Variants in GFRA1 observed in about 807,000 individuals in gnomAD.
The protein encoded by GFRA1 is GDNF family receptor alpha-1.
A neutral mutation model predicts 51.6 loss-of-function variants in GFRA1; 16 were observed. The observed-to-expected ratio is 0.31, with a 90% CI of 0.21 to 0.47. The LOEUF (loss-of-function observed/expected upper bound fraction) is 0.47, where lower values mean the gene tolerates loss of function less well. Among genes scored for constraint, GFRA1 ranks in the 20% least tolerant of loss-of-function variants. GFRA1 has a pLI of 1.00. For missense variants in GFRA1, 530 were observed against 594.3 expected (o/e 0.89, Z 1.13); for synonymous variants, 270 against 241.3 (o/e 1.12, Z -1.10).
chr10:116,208,454 T>C (rs1470452613), intron 5 of GFRA1, among the ~76,000 whole-genome samples: 1 of 152,146 alleles, frequency 6.6e-6, no homozygotes, highest in Non-Finnish European at 1.5e-5. Context: ...AGAATAAACA[T>C]GTCATGCCCT....
At chr10:116,072,991 A>G (rs1955469584) in intron 9 of GFRA1, among the ~76,000 whole-genome samples, 1 of 152,130 alleles carries the variant, frequency 6.6e-6, no homozygotes, top group Non-Finnish European at 1.5e-5. Context: ...ATCGAGGCAA[A>G]AGTGGGAAAT....
intron 4 of GFRA1, among the ~76,000 whole-genome samples, chr10:116,215,893 C>T (rs1165526901): frequency 1.3e-5 from 2 of 152,198 alleles, no homozygotes; most frequent in African/African-American, 4.8e-5. Flanking sequence ...CTCTCCCCAC[C>T]AGCCCCTGGA....
At chr10:116,100,133 G>T (rs1956760488) in intron 6 of GFRA1, among the ~76,000 whole-genome samples, 1 of 152,180 alleles carries the variant, frequency 6.6e-6, no homozygotes, top group South Asian at 2.1e-4. Context: ...AATTGGTTAG[G>T]TACAGGTAGA....
intron 5 of GFRA1, among the ~76,000 whole-genome samples, chr10:116,186,449 A>G (rs1962726458): frequency 6.6e-6 from 1 of 152,116 alleles, no homozygotes; most frequent in Non-Finnish European, 1.5e-5. Flanking sequence ...TTGAGCAGGC[A>G]CACTTACAAA....
At chr10:116,158,701 G>T (rs1237593856) in intron 5 of GFRA1, among the ~76,000 whole-genome samples, 1 of 152,204 alleles carries the variant, frequency 6.6e-6, no homozygotes, top group Non-Finnish European at 1.5e-5. Context: ...CACAAACAAG[G>T]AAGTCCGGGA....
At chr10:116,132,707 G>A (rs1187398562) in intron 5 of GFRA1, among the ~76,000 whole-genome samples, 2 of 152,158 alleles carry the variant, frequency 1.3e-5, no homozygotes, top group Non-Finnish European at 2.9e-5. Context: ...TTAGGGTTGA[G>A]TTTTCACCCG....
At chr10:116,159,896 T>C (rs766164359) in intron 5 of GFRA1, among the ~76,000 whole-genome samples, 3 of 152,208 alleles carry the variant, frequency 2.0e-5, no homozygotes, top group Non-Finnish European at 2.9e-5. Context: ...ATCAATCATA[T>C]AAAATGGTCA....
chr10:116,107,340 G>A (rs1957044428), intron 6 of GFRA1, among the ~76,000 whole-genome samples: 1 of 152,136 alleles, frequency 6.6e-6, no homozygotes, highest in African/African-American at 2.4e-5. Flanking sequence ...TGAAATCCTA[G>A]GGAGAGATGA....
intron 4 of GFRA1, among the ~76,000 whole-genome samples, chr10:116,221,427 A>T (rs990159931): frequency 6.6e-6 from 1 of 152,126 alleles, no homozygotes; most frequent in Non-Finnish European, 1.5e-5. Context: ...ATTCACGTTC[A>T]TACTACCTTT....
intron 5 of GFRA1, among the ~76,000 whole-genome samples, chr10:116,165,663 T>TCA (rs71475174): frequency 0.059 from 5,809 of 99,122 alleles, 150 homozygotes; most frequent in African/African-American, 0.12. Flanking sequence ...TTTCTCTCAC[T>TCA]CTCACACACA....
intron 5 of GFRA1, among the ~76,000 whole-genome samples, chr10:116,174,919 C>T (rs970262748): frequency 6.6e-6 from 1 of 152,160 alleles, no homozygotes; most frequent in African/African-American, 2.4e-5. Context: ...AAAAGATTTG[C>T]ACCACCGTTC....
chr10:116,235,012 A>T (rs1026864001), intron 4 of GFRA1, among the ~76,000 whole-genome samples: 6 of 152,068 alleles, frequency 3.9e-5, no homozygotes, highest in African/African-American at 1.4e-4. Flanking sequence ...TTCTGTCATG[A>T]TTGTAAGTTT....
chr10:116,097,538 C>A (rs1470079406), intron 6 of GFRA1, among the ~76,000 whole-genome samples: 2 of 152,180 alleles, frequency 1.3e-5, no homozygotes, highest in African/African-American at 2.4e-5. Flanking sequence ...ACAGAAGCCG[C>A]AGACACGCTG....
At chr10:116,168,045 T>A (rs1488869729) in intron 5 of GFRA1, among the ~76,000 whole-genome samples, 1 of 152,118 alleles carries the variant, frequency 6.6e-6, no homozygotes, top group Admixed American at 6.5e-5. Flanking sequence ...TTCACTGCTA[T>A]AAAATTCATC....
chr10:116,259,324 CT>C (rs77768306), intron 4 of GFRA1, among the ~76,000 whole-genome samples: 43 of 143,842 alleles, frequency 3.0e-4, no homozygotes, highest in African/African-American at 3.6e-4. Flanking sequence ...CTATGTATTC[CT>C]TTTTTTTTTT....
chr10:116,060,900 C>A lies in GFRA1; in HGVS notation c.*3498G>T, dbSNP rs1016545839. ...TTTGTAAATAATAACAACAGAAATA[C>A]ATTTCCGCTGAATTCTGAGAAAAGA... is the stretch of plus-strand genomic sequence containing the variant. On this transcript the variant is annotated 3_prime_UTR_variant, in exon 11 of 11. Transcript: ENST00000355422. The A allele has an allele frequency of 4.6e-5, 7 of 152,202 alleles. No individual in the cohort carries two copies. 9.4% of individuals were successfully genotyped at this position (152,202 alleles called of 1,614,324 possible).
intron 8 of GFRA1, among the ~76,000 whole-genome samples, chr10:116,091,351 G>A (rs529760970): frequency 1.3e-5 from 2 of 152,330 alleles, no homozygotes; most frequent in South Asian, 2.1e-4. Context: ...TTGTGGTTTT[G>A]CAGGCAAATA....
intron 6 of GFRA1, among the ~76,000 whole-genome samples, chr10:116,111,313 A>G (rs1589797398): frequency 6.6e-6 from 1 of 152,190 alleles, no homozygotes; most frequent in Non-Finnish European, 1.5e-5. Flanking sequence ...CAAGGTCCCA[A>G]CTGCAGTGGG....
At chr10:116,121,481 C>T (rs1289633093) in intron 6 of GFRA1, among the ~76,000 whole-genome samples, 8 of 152,172 alleles carry the variant, frequency 5.3e-5, no homozygotes, top group Admixed American at 1.3e-4. Flanking sequence ...CAAAGTCAAA[C>T]GGAAAAGCTA....
Sources: gnomAD v4.1 joint callset for allele counts (sites outside exome capture counted in the v4.1 genomes callset) on GRCh38, gnomAD v4.1.1 for gene constraint, MANE v1.5 for transcripts, NCBI Gene and HGNC (gene_info 2026-07-23, HGNC 2026-07-21) for gene names.